Variants in MAFG observed in about 807,000 individuals in gnomAD.
The protein encoded by MAFG is transcription factor MafG.
MAFG carries 3 observed loss-of-function variants against 12.2 expected under a neutral mutation model. That is an observed-to-expected ratio of 0.25 (90% CI 0.11 to 0.64). MAFG has a LOEUF of 0.64. Among genes scored for constraint, MAFG ranks in the 30% least tolerant of loss-of-function variants. MAFG has a pLI of 0.85. For synonymous variants in MAFG, 126 were observed against 109.1 expected (o/e 1.15, Z -0.96); for missense variants, 153 against 235.5 (o/e 0.65, Z 2.29).
rs1258242093 is a variant in MAFG at position 81,924,654 on chromosome 17, A to AG, written c.-29-1441dup. 6.6e-6 allele frequency: 1 copy of AG among 152,332 alleles called. No individual in the cohort carries two copies. The highest frequency in any genetic ancestry group is 1.5e-5 in the Non-Finnish European group (1 of 68,140). 9.4% of individuals were successfully genotyped at this position (152,332 alleles called of 1,614,324 possible). On this transcript the variant is annotated intron_variant, in intron 1 of 2. Transcript: ENST00000357736. This position sits in a 1 kb window ranked among gnomAD's most constrained non-coding sequence, Gnocchi z 4.7. ...CCTCCCCACAGCCAAGCCAGCTCAG[A>AG]GGCAAGGTCCCGAGGCTCCAGCCAC...
rs1434074185 is a variant in MAFG, at chr17:81,924,431, C to G, written c.-29-1217G>C. ...CCCCACTTTCCAGGTTTGATGCAGA[C>G]AGATGGGAGACTCCTCCAGAGGAGC... is the stretch of plus-strand genomic sequence containing the variant. On this transcript the variant is annotated intron_variant, in intron 1 of 2. Transcript: ENST00000357736. The surrounding 1 kb of genome is among the most constrained non-coding windows in gnomAD (Gnocchi z 4.7). The G allele has an allele frequency of 6.6e-6, 1 of 152,562 alleles. No individual in the cohort carries two copies. The highest frequency in any genetic ancestry group is 1.5e-5 in the Non-Finnish European group (1 of 68,314). 9.5% of individuals were successfully genotyped at this position (152,562 alleles called of 1,614,324 possible).
Position 81,921,817 on chromosome 17 carries a change from C to G in MAFG, c.*788G>C, listed in dbSNP as rs1289979479. 1 of 150,894 alleles carries G rather than the reference C, an allele frequency of 6.6e-6. No homozygotes were observed. Among genetic ancestry groups the G allele is most frequent in the Non-Finnish European group, 1.5e-5 (1 of 67,844 alleles). 9.3% of individuals were successfully genotyped at this position (150,894 alleles called of 1,614,324 possible). A position where few individuals can be genotyped will look rare whatever the true frequency, so the allele number is the denominator to read the frequency against. ...ACAGTTTTATAAATACTCTGCAGCT[C>G]TTTTTTCTTTAACTTTTAAACATAT... On this transcript the variant is annotated 3_prime_UTR_variant, in exon 3 of 3. Transcript: ENST00000357736.
At chr17:81,929,412 G>C (rs2040967623), upstream of MAFG, 1 of 152,254 alleles carries the variant, frequency 6.6e-6, no homozygotes, top group African/African-American at 2.4e-5. This position sits in a 1 kb window ranked among gnomAD's most constrained non-coding sequence, Gnocchi z 5.7. Flanking sequence ...TATCGAGGGA[G>C]GGGAGGTGCC....
rs926418526 is a variant in MAFG at position 81,921,433 on chromosome 17, C to G, written c.*1172G>C. 3 of 152,402 alleles carry G rather than the reference C, an allele frequency of 2.0e-5. No homozygotes were observed. Among genetic ancestry groups the G allele is most frequent in the African/African-American group, 7.2e-5 (3 of 41,474 alleles). The allele number at this position is 152,402 out of a possible 1,614,324, so 9.4% of individuals were successfully genotyped here. A position where few individuals can be genotyped will look rare whatever the true frequency, so the allele number is the denominator to read the frequency against. ...CACTTTACCGCTGCACAAAACCTCA[C>G]CAGGCACGGACGACACCACGGCACC... On this transcript the variant is annotated 3_prime_UTR_variant, in exon 3 of 3. Coordinates refer to ENST00000357736, the MANE Select transcript of MAFG (RefSeq NM_002359.4).
chr17:81,921,891 G>A lies in MAFG; in HGVS notation c.*714C>T, dbSNP rs761742324. 2 of 151,924 alleles carry A rather than the reference G, an allele frequency of 1.3e-5. No homozygotes were observed. Among genetic ancestry groups the A allele is most frequent in the Non-Finnish European group, 2.9e-5 (2 of 67,960 alleles). The allele number at this position is 151,924 out of a possible 1,614,324, so 9.4% of individuals were successfully genotyped here. On this transcript the variant is annotated 3_prime_UTR_variant, in exon 3 of 3. Coordinates refer to ENST00000357736, the MANE Select transcript of MAFG (RefSeq NM_002359.4). ...AGGAACTTCTCTCTTTTAAATAAAGGGCTATATAACCACACAAATAGGTCA... is the reference window on the plus strand; with the variant it reads ...AGGAACTTCTCTCTTTTAAATAAAGAGCTATATAACCACACAAATAGGTCA...
rs1567916163 is a variant in MAFG at position 81,926,471 on chromosome 17, T to TGCCCA, written c.-30+1052_-30+1056dup. Among the ~76,000 whole-genome samples, 1 of 152,138 alleles carries TGCCCA rather than the reference T, an allele frequency of 6.6e-6. No homozygotes were observed. Among genetic ancestry groups the TGCCCA allele is most frequent in the Non-Finnish European group, 1.5e-5 (1 of 68,028 alleles). On this transcript the variant is annotated intron_variant, in intron 1 of 2. Transcript: ENST00000357736. The surrounding 1 kb of genome is among the most constrained non-coding windows in gnomAD (Gnocchi z 4.6). ...GGTAGAGCTGCCCCTGCTTCCTCCC[T>TGCCCA]GCCCAGCCCACTGTCACCCAGGGCT... is the stretch of plus-strand genomic sequence containing the variant.
At position 81,921,758 on chromosome 17, in the gene MAFG, CA is replaced by C. The variant is rs2040891884; in HGVS notation, c.*846del. The C allele has an allele frequency of 6.6e-6, 1 of 150,922 alleles. No homozygotes were observed. Among genetic ancestry groups the C allele is most frequent in the South Asian group, 2.1e-4 (1 of 4,810 alleles). The allele number at this position is 150,922 out of a possible 1,614,324, so 9.3% of individuals were successfully genotyped here. ...TTCTTCCCTTTTCCATTCATATGGT[CA>C]AATGGTCTTCTTGCTTGTTTTTTTT... On this transcript the variant is annotated 3_prime_UTR_variant, in exon 3 of 3. Transcript: ENST00000357736.
Position 81,922,505 on chromosome 17 carries a change from G to T in MAFG, c.*100C>A. The T allele has an allele frequency of 1.0e-6, 1 of 959,668 alleles. No individual in the cohort carries two copies. The highest frequency in any genetic ancestry group is 1.5e-6 in the Non-Finnish European group (1 of 686,394). 59.4% of individuals were successfully genotyped at this position (959,668 alleles called of 1,614,324 possible). ...AGGGAAGAGAGAAGGGTGGGGAAGA[G>T]AGGGAGGAAAGAGAAGAGAAGGAAA... On this transcript the variant is annotated 3_prime_UTR_variant, in exon 3 of 3. Transcript: ENST00000357736.
At chr17:81,929,211 G>A (rs1185392412), upstream of MAFG, among the ~76,000 whole-genome samples, 1 of 152,212 alleles carries the variant, frequency 6.6e-6, no homozygotes, top group Non-Finnish European at 1.5e-5. This position sits in a 1 kb window ranked among gnomAD's most constrained non-coding sequence, Gnocchi z 5.7. Flanking sequence ...TCACTGCGGT[G>A]CTGTCTTCTC....
chr17:81,923,373 G>A, intron 1 of MAFG, 159 bp from the exon 2 acceptor site: 1 of 544,254 alleles, frequency 1.8e-6, no homozygotes, highest in South Asian at 2.5e-5. Context: ...GCAGCCCTTG[G>A]CCTCTCCCAG....
chr17:81,923,446 T>G, intron 1 of MAFG: 1 of 424,752 alleles, frequency 2.4e-6, no homozygotes, highest in Non-Finnish European at 4.2e-6. Flanking sequence ...GTCAGGAAGG[T>G]CTGACGGGAG....
intron 1 of MAFG, among the ~76,000 whole-genome samples, chr17:81,925,501 TAA>T (rs1367663428): frequency 6.6e-6 from 1 of 152,190 alleles, no homozygotes; most frequent in African/African-American, 2.4e-5. Flanking sequence ...CACTGATGCA[TAA>T]GTGACTGAGA....
At position 81,924,559 on chromosome 17, in the gene MAFG, T is replaced by G. The variant is rs950073677; in HGVS notation, c.-29-1345A>C. On this transcript the variant is annotated intron_variant, in intron 1 of 2. Transcript: ENST00000357736. The surrounding 1 kb of genome is among the most constrained non-coding windows in gnomAD (Gnocchi z 4.7). ...CACACATCCTCACCAGGCTCAAGAC[T>G]CCACCTCACCCAGCCTGGGACCAGG... 1.3e-5 allele frequency: 2 copies of G among 152,136 alleles called. No homozygotes were observed. Among genetic ancestry groups the G allele is most frequent in the African/African-American group, 2.4e-5 (1 of 41,356 alleles). The allele number at this position is 152,136 out of a possible 1,614,324, so 9.4% of individuals were successfully genotyped here. A position where few individuals can be genotyped will look rare whatever the true frequency, so the allele number is the denominator to read the frequency against.
intron 1 of MAFG, 76 bp from the exon 2 acceptor site, chr17:81,923,290 T>A: frequency 3.8e-6 from 3 of 793,080 alleles, no homozygotes; most frequent in Non-Finnish European, 5.1e-6. Context: ...CCGGCCCAGT[T>A]CACAAGAGCC....
At chr17:81,929,250 C>T (rs1229537641), upstream of MAFG, among the ~76,000 whole-genome samples, 2 of 152,242 alleles carry the variant, frequency 1.3e-5, no homozygotes, top group Admixed American at 1.3e-4. The surrounding 1 kb of genome is among the most constrained non-coding windows in gnomAD (Gnocchi z 5.7). Context: ...CCTCCCCTCC[C>T]TGGGCACTGT....
chr17:81,922,437 A>T lies in MAFG; in HGVS notation c.*168T>A. ...CACACGACGACAATGACGAGATCAA[A>T]GGGGCTCAGCCCGGCGCCCCTGGGG... is the stretch of plus-strand genomic sequence containing the variant. On this transcript the variant is annotated 3_prime_UTR_variant, in exon 3 of 3. Transcript: ENST00000357736. 1 of 519,380 alleles carries T rather than the reference A, an allele frequency of 1.9e-6. No homozygotes were observed. The highest frequency in any genetic ancestry group is 3.3e-6 in the Non-Finnish European group (1 of 305,608). 32.2% of individuals were successfully genotyped at this position (519,380 alleles called of 1,614,324 possible).
chr17:81,920,297 CATT>C lies in MAFG; in HGVS notation c.*2305_*2307del, dbSNP rs1261259650. The C allele has an allele frequency of 6.6e-6, 1 of 152,230 alleles. No homozygotes were observed. The highest frequency in any genetic ancestry group is 1.5e-5 in the Non-Finnish European group (1 of 68,040). The allele number at this position is 152,230 out of a possible 1,614,324, so 9.4% of individuals were successfully genotyped here. On this transcript the variant is annotated 3_prime_UTR_variant, in exon 3 of 3. Transcript: ENST00000357736. Reference sequence around the variant, plus strand: ...TGAACACCTCGAGCAAAGAAAAGCTCATTAACATGACAAGTGTTGATGGTGCCT... The same window carrying C: ...TGAACACCTCGAGCAAAGAAAAGCTCAACATGACAAGTGTTGATGGTGCCT...
intron 1 of MAFG, 164 bp from the exon 2 acceptor site, chr17:81,923,378 T>TGAG (rs2040914075): frequency 7.8e-6 from 4 of 512,300 alleles, no homozygotes; most frequent in African/African-American, 2.0e-5. Context: ...CCTTGGCCTC[T>TGAG]CCCAGGCTGG....
chr17:81,924,509 G>T lies in MAFG; in HGVS notation c.-29-1295C>A, dbSNP rs2040924638. 6.6e-6 allele frequency: 1 copy of T among 152,464 alleles called. No individual in the cohort carries two copies. Among genetic ancestry groups the T allele is most frequent in the East Asian group, 1.9e-4 (1 of 5,176 alleles). The allele number at this position is 152,464 out of a possible 1,614,324, so 9.4% of individuals were successfully genotyped here. On this transcript the variant is annotated intron_variant, in intron 1 of 2. Coordinates refer to ENST00000357736, the MANE Select transcript of MAFG (RefSeq NM_002359.4). This position sits in a 1 kb window ranked among gnomAD's most constrained non-coding sequence, Gnocchi z 4.7. ...GGGGGGCTTCTTACTCTCATCAGGG[G>T]AGCTGAAGTGTGGCCAGGCGGATGC...
Sources: allele counts gnomAD v4.1 joint callset (sites outside exome capture counted in the v4.1 genomes callset), GRCh38; gene constraint gnomAD v4.1.1; non-coding constraint Gnocchi (gnomAD v3.1); transcripts MANE v1.5; gene names NCBI Gene and HGNC (gene_info 2026-07-23, HGNC 2026-07-21).